PLXNA4: variants seen among roughly 807,000 people sequenced by gnomAD.
The protein encoded by PLXNA4 is plexin A4.
In PLXNA4, 44 loss-of-function variants were observed where a neutral mutation model predicts 191.8. The observed-to-expected ratio is 0.23, with a 90% CI of 0.18 to 0.29. The LOEUF is 0.29. PLXNA4 is among the 10% of genes least tolerant of loss of function. PLXNA4 has a pLI of 1.00. For synonymous variants in PLXNA4, 1,082 were observed against 1,009.5 expected (o/e 1.07, Z -1.36); for missense variants, 1,800 against 2,488.8 (o/e 0.72, Z 5.89).
Position 132,174,836 on chromosome 7 carries a change from T to C in PLXNA4, c.3959A>G (p.Tyr1320Cys). The part of the protein sequence containing the change: ...AGIPFLDYRT[Y>C]TMRVLFPGIE... ...TCCTGGGAACAGCACCCGCATGGTG[T>C]AAGTTCTATAGTCCAGGAACGGAAT... Residue 1320 changes from tyrosine to cysteine, a missense_variant, in exon 21 of 32, where the codon TAC becomes TGC. Around this residue, in one of 6 missense-constraint regions of PLXNA4, gnomAD observed 1,397 missense variants for 1,880.4 expected, o/e 0.74. Transcript: ENST00000321063. The C allele has an allele frequency of 1.9e-6, 3 of 1,614,182 alleles. No individual in the cohort carries two copies. Among genetic ancestry groups the C allele is most frequent in the Non-Finnish European group, 2.5e-6 (3 of 1,180,020 alleles).
chr7:132,470,668 A>C (rs1466953577), intron 3 of PLXNA4, among the ~76,000 whole-genome samples: 1 of 152,226 alleles, frequency 6.6e-6, no homozygotes, highest in Non-Finnish European at 1.5e-5. Flanking sequence ...ATGAGTCCTT[A>C]AAAGCAGAGA....
intron 1 of PLXNA4, among the ~76,000 whole-genome samples, chr7:132,541,731 C>T (rs1680051521): frequency 6.6e-6 from 1 of 152,250 alleles, no homozygotes; most frequent in Non-Finnish European, 1.5e-5. Context: ...GCATGGGTTG[C>T]TGCTTTCAAT....
At chr7:132,202,157 C>G (rs903860038) in intron 12 of PLXNA4, among the ~76,000 whole-genome samples, 5 of 152,152 alleles carry the variant, frequency 3.3e-5, no homozygotes, top group African/African-American at 4.8e-5. Context: ...CTTTGGTCCC[C>G]CTAAACTGTG....
intron 9 of PLXNA4, among the ~76,000 whole-genome samples, chr7:132,211,434 G>A (rs970076529): frequency 6.6e-6 from 1 of 152,204 alleles, no homozygotes; most frequent in Non-Finnish European, 1.5e-5. Flanking sequence ...CCTCCTCCTG[G>A]CACCCTTCTA....
intron 21 of PLXNA4, 21 bp from the exon 22 acceptor site, chr7:132,168,593 C>T (rs368997331): frequency 2.1e-5 from 32 of 1,545,972 alleles, no homozygotes; most frequent in East Asian, 6.8e-5. Flanking sequence ...ACCTAGGAGT[C>T]GTGATGCCAT....
chr7:132,515,628 C>T (rs1393180893), intron 1 of PLXNA4, among the ~76,000 whole-genome samples: 3 of 152,184 alleles, frequency 2.0e-5, no homozygotes, highest in Non-Finnish European at 4.4e-5. Context: ...GATGTTCGAA[C>T]GTGTGTGCAC....
intron 4 of PLXNA4, among the ~76,000 whole-genome samples, chr7:132,242,470 T>C (rs1414603682): frequency 6.6e-6 from 1 of 152,176 alleles, no homozygotes; most frequent in Non-Finnish European, 1.5e-5. Flanking sequence ...AGCTTCTCAA[T>C]TAGTCTCCAA....
chr7:132,587,957 C>G (rs1802532690), intron 2 of PLXNA4, among the ~76,000 whole-genome samples: 11 of 151,774 alleles, frequency 7.2e-5, no homozygotes, highest in Non-Finnish European at 1.5e-5. Flanking sequence ...CCCCAGAGTT[C>G]CTGGTCTTTC....
chr7:132,594,923 A>ATAGG (rs1802670349), intron 2 of PLXNA4, among the ~76,000 whole-genome samples: 1 of 78,544 alleles, frequency 1.3e-5, no homozygotes, highest in East Asian at 3.2e-4. Flanking sequence ...AGATAGATAG[A>ATAGG]TAGATAGATA....
intron 14 of PLXNA4, among the ~76,000 whole-genome samples, chr7:132,190,390 G>T (rs980182672): frequency 6.6e-6 from 1 of 152,210 alleles, no homozygotes; most frequent in Admixed American, 6.5e-5. Context: ...GCAGAGAGCT[G>T]AGTGCATTGG....
chr7:132,303,924 T>C (rs1801411359), intron 3 of PLXNA4, among the ~76,000 whole-genome samples: 2 of 152,156 alleles, frequency 1.3e-5, no homozygotes, highest in South Asian at 4.1e-4. Flanking sequence ...TAACCAGGGA[T>C]GATCAGCCCA....
rs1563176267 is a variant in PLXNA4 at position 132,563,507 on chromosome 7, CCTCCTCCTGCTG to C, written c.-87+12903_-87+12914del. ...TCCTCCTCCTCCTTCTCCTCCTCCT[CCTCCTCCTGCTG>C]CTCCTCCTCCTCTTTCTCCTCCTCC... On this transcript the variant is annotated intron_variant, in intron 1 of 31. Transcript: ENST00000321063. Among the ~76,000 whole-genome samples, 137 of 46,072 alleles carry C rather than the reference CCTCCTCCTGCTG, an allele frequency of 3.0e-3. 3 individuals carry two copies. The highest frequency in any genetic ancestry group is 7.3e-3 in the Non-Finnish European group (97 of 13,230). 30.2% of individuals were successfully genotyped at this position (46,072 alleles called of 152,430 possible).
intron 2 of PLXNA4, among the ~76,000 whole-genome samples, chr7:132,628,283 T>G (rs896957509): frequency 6.6e-6 from 1 of 152,204 alleles, no homozygotes; most frequent in African/African-American, 2.4e-5. Context: ...TTAATGTTGT[T>G]GATGAGAAGA....
At position 132,621,268 on chromosome 7, in the gene PLXNA4, G is replaced by GA. The variant is rs1554478703; in HGVS notation, c.-87+24659_-87+24660insT. ...TTTGTTTTTTTTTTTTGGTTTTTTT[G>GA]TTTTTTTTTTTAGATGGAGTCTCAC... On this transcript the variant is annotated intron_variant, in intron 2 of 4. Coordinates refer to the PLXNA4 transcript ENST00000378539. 4.3e-4 allele frequency among the ~76,000 whole-genome samples: 36 copies of GA among 83,224 alleles called. 1 individual carries two copies. The highest frequency in any genetic ancestry group is 1.2e-3 in the Admixed American group (10 of 8,116). The allele number at this position is 83,224 out of a possible 152,430, so 54.6% of individuals were successfully genotyped here. A position where few individuals can be genotyped will look rare whatever the true frequency, so the allele number is the denominator to read the frequency against.
At chr7:132,183,282 A>G (rs925835263) in intron 16 of PLXNA4, among the ~76,000 whole-genome samples, 1 of 152,198 alleles carries the variant, frequency 6.6e-6, no homozygotes, top group Non-Finnish European at 1.5e-5. Context: ...CATGTGACAG[A>G]CAGTGCTGGA....
intron 2 of PLXNA4, among the ~76,000 whole-genome samples, chr7:132,582,810 T>C (rs1802429258): frequency 6.6e-6 from 1 of 151,928 alleles, no homozygotes; most frequent in African/African-American, 2.4e-5. Flanking sequence ...TCCTCTGACC[T>C]TGACCTCATT....
At chr7:132,573,385 C>A (rs547401503) in intron 1 of PLXNA4, among the ~76,000 whole-genome samples, 1 of 151,996 alleles carries the variant, frequency 6.6e-6, no homozygotes, top group African/African-American at 2.4e-5. Flanking sequence ...AAGAAATGCC[C>A]CCTAGCTGGC....
chr7:132,586,459 A>G (rs959440779), intron 2 of PLXNA4, among the ~76,000 whole-genome samples: 1 of 152,244 alleles, frequency 6.6e-6, no homozygotes, highest in South Asian at 2.1e-4. Flanking sequence ...TTGAAAATAT[A>G]TGGCACTCAG....
chr7:132,159,999 C>T (rs1450998612), intron 24 of PLXNA4, among the ~76,000 whole-genome samples: 1 of 152,204 alleles, frequency 6.6e-6, no homozygotes, highest in Non-Finnish European at 1.5e-5. Flanking sequence ...CACGTGCTAT[C>T]TCTCTCACAT....
Sources: allele counts gnomAD v4.1 joint callset (sites outside exome capture counted in the v4.1 genomes callset), GRCh38; gene constraint gnomAD v4.1.1; regional missense constraint gnomAD v4.1.1; transcripts MANE v1.5; gene names NCBI Gene and HGNC (gene_info 2026-07-23, HGNC 2026-07-21).